MYOC: variants seen among roughly 807,000 people sequenced by gnomAD.
MYOC encodes myocilin, also known as juvenile-onset open-angle glaucoma 1.
In MYOC, 29 loss-of-function variants were observed where a neutral mutation model predicts 28.2. The ratio of observed to expected loss-of-function variants is 1.03; its 90% confidence interval spans 0.77 to 1.40. The LOEUF (loss-of-function observed/expected upper bound fraction) is 1.40, where lower values mean the gene tolerates loss of function less well. MYOC is among the 40% of genes most tolerant of loss of function. MYOC has a pLI of 0.00. For synonymous variants in MYOC, 240 were observed against 245.6 expected (o/e 0.98, Z 0.21); for missense variants, 569 against 620.6 (o/e 0.92, Z 0.88).
At position 171,652,492 on chromosome 1, in the gene MYOC, G is replaced by T. The variant is rs774387136; in HGVS notation, c.120C>A (p.Ala40=). ...VGARTAQLRK[A]NDQSGRCQYT... is the part of the protein sequence containing the mutation. ...ACTGGCATCGGCCACTCTGGTCATTGGCCTTCCTGAGCTGAGCTGTCCTGG... is the reference window on the plus strand; with the variant it reads ...ACTGGCATCGGCCACTCTGGTCATTTGCCTTCCTGAGCTGAGCTGTCCTGG... The change falls in exon 1 of 3, where the codon GCC becomes GCA. Residue 40 remains alanine, a synonymous_variant. Coordinates refer to ENST00000037502, the MANE Select transcript of MYOC (RefSeq NM_000261.2). The T allele has an allele frequency of 6.2e-7, 1 of 1,614,198 alleles. No individual in the cohort carries two copies. Among genetic ancestry groups the T allele is most frequent in the South Asian group, 1.1e-5 (1 of 91,080 alleles).
chr1:171,638,376 G>T (rs2032554), intron 2 of MYOC, among the ~76,000 whole-genome samples: 1 of 152,198 alleles, frequency 6.6e-6, no homozygotes, highest in Non-Finnish European at 1.5e-5. Flanking sequence ...TGATAGGATA[G>T]AGGGCTTTGT....
In MYOC at chr1:171,635,873, C is replaced by G; in HGVS notation, c.*52G>C. On this transcript the variant is annotated 3_prime_UTR_variant, in exon 3 of 3. Transcript: ENST00000037502. The stretch of plus-strand genomic sequence containing the variant: ...GGCTCTCCCTTCAGCCTGCTCCCCC[C>G]AGGAGCCCTGAGCATCTCCTTCTGC... The G allele has an allele frequency of 1.9e-6, 3 of 1,599,614 alleles. No homozygotes were observed. Among genetic ancestry groups the G allele is most frequent in the Non-Finnish European group, 8.5e-7 (1 of 1,170,508 alleles).
At chr1:171,637,330 G>T (rs1199161621) in intron 2 of MYOC, among the ~76,000 whole-genome samples, 1 of 152,176 alleles carries the variant, frequency 6.6e-6, no homozygotes, top group Non-Finnish European at 1.5e-5. Flanking sequence ...GCCCTGATGA[G>T]TCACATATTT....
rs534806873 is a variant in MYOC, at chr1:171,636,420, C to T, written c.1020G>A (p.Glu340=). 1.1e-5 allele frequency: 18 copies of T among 1,614,148 alleles called. No homozygotes were observed. In the African/African-American group the frequency reaches 1.5e-4, roughly 13 times the overall value. Residue 340 remains glutamate, a synonymous_variant, in exon 3 of 3, where the codon GAG becomes GAA. Coordinates refer to ENST00000037502, the MANE Select transcript of MYOC (RefSeq NM_000261.2). The stretch of plus-strand genomic sequence containing the variant: ...GCTCATATCTTATGACAGTTCTGGA[C>T]TCAGCGCCCTGGAAATAGAGGCTCC... ...YSGSLYFQGA[E]SRTVIRYELN...
intron 2 of MYOC, among the ~76,000 whole-genome samples, chr1:171,637,082 G>T (rs1357116792): frequency 6.6e-6 from 1 of 152,168 alleles, no homozygotes; most frequent in Non-Finnish European, 1.5e-5. Context: ...GGGCATGCAT[G>T]GGAGTGGGAG....
At chr1:171,650,782 T>C (rs899836141) in intron 1 of MYOC, among the ~76,000 whole-genome samples, 4 of 152,224 alleles carry the variant, frequency 2.6e-5, no homozygotes, top group African/African-American at 9.6e-5. Flanking sequence ...ATTCACCAGT[T>C]ATTAATATTT....
At chr1:171,649,968 C>G (rs1185667918) in intron 1 of MYOC, among the ~76,000 whole-genome samples, 1 of 152,154 alleles carries the variant, frequency 6.6e-6, no homozygotes, top group Non-Finnish European at 1.5e-5. Context: ...TTTCCAGTTC[C>G]ACATTCTTGT....
At chr1:171,639,738 G>C (rs1037536267) in intron 1 of MYOC, among the ~76,000 whole-genome samples, 10 of 148,276 alleles carry the variant, frequency 6.7e-5, no homozygotes, top group Non-Finnish European at 6.0e-5. Context: ...ATCACTTAAG[G>C]CCAGGAGTTC....
chr1:171,643,447 C>A, intron 1 of MYOC: 1 of 152,624 alleles, frequency 6.6e-6, no homozygotes, highest in Non-Finnish European at 1.5e-5. Flanking sequence ...CCAGAACACA[C>A]ACCCAGGCTG....
At chr1:171,650,423 T>C (rs1653327569) in intron 1 of MYOC, among the ~76,000 whole-genome samples, 1 of 152,248 alleles carries the variant, frequency 6.6e-6, no homozygotes, top group Admixed American at 6.5e-5. Flanking sequence ...GGTTGTAAAA[T>C]TCAGAATTGG....
At chr1:171,639,459 G>T (rs1388814237) in intron 1 of MYOC, among the ~76,000 whole-genome samples, 5 of 151,982 alleles carry the variant, frequency 3.3e-5, no homozygotes, top group East Asian at 3.9e-4. Context: ...CATCTTCTTA[G>T]ATGTCTGAAT....
At chr1:171,646,480 T>C (rs1008643934) in intron 1 of MYOC, among the ~76,000 whole-genome samples, 2 of 151,246 alleles carry the variant, frequency 1.3e-5, no homozygotes, top group South Asian at 2.1e-4. Flanking sequence ...GGGGCTTTTA[T>C]TTTTTAAGGT....
chr1:171,638,919 C>T, intron 1 of MYOC, 197 bp from the exon 2 acceptor site: 1 of 496,662 alleles, frequency 2.0e-6, no homozygotes, highest in Non-Finnish European at 3.7e-6. Context: ...CATGGTGAAA[C>T]CCTGTCTTTG....
chr1:171,648,836 G>A (rs1330551537), intron 1 of MYOC, among the ~76,000 whole-genome samples: 1 of 150,326 alleles, frequency 6.7e-6, no homozygotes. Flanking sequence ...ACAGGTGCCC[G>A]CCACCACACC....
chr1:171,639,652 CAA>C (rs3980587), intron 1 of MYOC, among the ~76,000 whole-genome samples: 4 of 115,296 alleles, frequency 3.5e-5, no homozygotes, highest in Non-Finnish European at 3.4e-5. Context: ...CTCAAGGTCT[CAA>C]AAAAAAAAAA....
chr1:171,635,933 T>C lies in MYOC; in HGVS notation c.1507A>G (p.Lys503Glu), dbSNP rs756630885. 5 of 1,614,110 alleles carry C rather than the reference T, an allele frequency of 3.1e-6. No homozygotes were observed. Among genetic ancestry groups the C allele is most frequent in the South Asian group, 1.1e-5 (1 of 91,080 alleles). Residue 503 changes from lysine to glutamate, a missense_variant, in exon 3 of 3, where the codon AAG (lysine) becomes GAG (glutamate). Coordinates refer to ENST00000037502, the MANE Select transcript of MYOC (RefSeq NM_000261.2). ...NMVTYDIKLS[K>E]M ...TACAGCTTGGAGGCTTTTCACATCT[T>C]GGAGAGCTTGATGTCATAAGTGACC...
rs184330777 is a variant in MYOC at position 171,644,459 on chromosome 1, G to A, written c.605-5737C>T. 2.0e-5 allele frequency among the ~76,000 whole-genome samples: 3 copies of A among 151,762 alleles called. No homozygotes were observed. The East Asian group carries it at 5.8e-4, about 29-fold the overall frequency. ...GTGGGGAGAAAATTAAGAAAGAAAT[G>A]CCCCTTTTGCTATAGAGGGAAGGAA... On this transcript the variant is annotated intron_variant, in intron 1 of 2. Transcript: ENST00000037502.
rs1653364065 is a variant in MYOC, at chr1:171,651,991, C to T, written c.604+17G>A. The T allele has an allele frequency of 6.2e-7, 1 of 1,614,156 alleles. No individual in the cohort carries two copies. The highest frequency in any genetic ancestry group is 1.1e-5 in the South Asian group (1 of 91,058). On this transcript the variant is annotated intron_variant, in intron 1 of 2. Transcript: ENST00000037502. ...ATCACCTGCTGAACTCAGAGTCCCCCCACTCTGCATTCTTACCTTCTCTGG... is the reference window on the plus strand; with the variant it reads ...ATCACCTGCTGAACTCAGAGTCCCCTCACTCTGCATTCTTACCTTCTCTGG...
chr1:171,640,919 T>G (rs1653060168), intron 1 of MYOC, among the ~76,000 whole-genome samples: 1 of 152,128 alleles, frequency 6.6e-6, no homozygotes, highest in South Asian at 2.1e-4. Context: ...GATGACTAGG[T>G]GAGGCACAGA....
Sources: gnomAD v4.1 joint callset for allele counts (sites outside exome capture counted in the v4.1 genomes callset) on GRCh38, gnomAD v4.1.1 for gene constraint, MANE v1.5 for transcripts, NCBI Gene and HGNC (gene_info 2026-07-23, HGNC 2026-07-21) for gene names.